Variants in UBE2E2 observed in about 807,000 individuals in gnomAD.
UBE2E2 encodes the protein ubiquitin conjugating enzyme E2 E2.
A neutral mutation model predicts 24.7 loss-of-function variants in UBE2E2; 6 were observed. That is an observed-to-expected ratio of 0.24 (90% CI 0.13 to 0.48). The LOEUF is 0.48. UBE2E2 is among the 20% of genes least tolerant of loss of function. The pLI is 0.99. For synonymous variants in UBE2E2, 104 were observed against 83.6 expected, an observed-to-expected ratio of 1.24 and a Z score of -1.33; for missense variants, 169 against 245.0, an observed-to-expected ratio of 0.69 and a Z score of 2.07.
At chr3:23,270,812 A>G (rs1458555821) in intron 3 of UBE2E2, 1 of 407,774 alleles carries the variant, frequency 2.5e-6, no homozygotes, top group Non-Finnish European at 4.9e-6. Context: ...GAATTCATTT[A>G]ACACACTCTC....
At chr3:23,447,699 A>C (rs1240523807) in intron 3 of UBE2E2, among the ~76,000 whole-genome samples, 1 of 152,236 alleles carries the variant, frequency 6.6e-6, no homozygotes, top group African/African-American at 2.4e-5. Context: ...TGTGATATAT[A>C]GCAAACATGA....
At chr3:23,232,125 A>G (rs757066416) in intron 3 of UBE2E2, among the ~76,000 whole-genome samples, 10 of 152,202 alleles carry the variant, frequency 6.6e-5, no homozygotes, top group South Asian at 2.1e-4. Flanking sequence ...TTGAAGGGTA[A>G]GGTTAAACCC....
chr3:23,518,818 A>G (rs1444003364), intron 4 of UBE2E2, among the ~76,000 whole-genome samples: 1 of 152,062 alleles, frequency 6.6e-6, no homozygotes, highest in East Asian at 1.9e-4. Context: ...TGTTTCACAT[A>G]TATTCATTTC....
intron 4 of UBE2E2, among the ~76,000 whole-genome samples, chr3:23,506,939 C>G (rs1694473630): frequency 6.6e-6 from 1 of 152,150 alleles, no homozygotes; most frequent in Non-Finnish European, 1.5e-5. Flanking sequence ...CAGCCTAAAG[C>G]TTCCTTCTAT....
At chr3:23,543,116 C>G (rs1279143778) in intron 5 of UBE2E2, among the ~76,000 whole-genome samples, 1 of 152,148 alleles carries the variant, frequency 6.6e-6, no homozygotes, top group South Asian at 2.1e-4. Flanking sequence ...GAGTTCAAGA[C>G]TAGCCTAGGC....
chr3:23,428,045 C>G lies in UBE2E2; in HGVS notation c.228-71563C>G, dbSNP rs545142542. On this transcript the variant is annotated intron_variant, in intron 3 of 5. Transcript: ENST00000396703. ...AAATTAGTGAGGACATAGTTGACCT[C>G]AACAGAATCATCAGTCAGTTGAATA... is the stretch of plus-strand genomic sequence containing the variant. Among the ~76,000 whole-genome samples, 124 of 152,238 alleles carry G rather than the reference C, an allele frequency of 8.1e-4. 5 individuals carry two copies. The South Asian group carries it at 0.024, about 29-fold the overall frequency.
At chr3:23,493,472 A>G (rs755506191) in intron 3 of UBE2E2, among the ~76,000 whole-genome samples, 1 of 152,348 alleles carries the variant, frequency 6.6e-6, no homozygotes, top group South Asian at 2.1e-4. Flanking sequence ...TCATTCTAAA[A>G]GATTTACCTC....
chr3:23,522,291 C>A (rs933236105), intron 4 of UBE2E2, among the ~76,000 whole-genome samples: 1 of 151,950 alleles, frequency 6.6e-6, no homozygotes, highest in African/African-American at 2.4e-5. Flanking sequence ...CCACCACGCC[C>A]GGCTAATTTT....
chr3:23,266,901 C>G (rs534405867), intron 3 of UBE2E2, among the ~76,000 whole-genome samples: 1 of 152,182 alleles, frequency 6.6e-6, no homozygotes, highest in African/African-American at 2.4e-5. Flanking sequence ...TTAAGAAACT[C>G]ACTCAAAACC....
At chr3:23,396,054 A>G (rs1235184218) in intron 3 of UBE2E2, among the ~76,000 whole-genome samples, 2 of 151,986 alleles carry the variant, frequency 1.3e-5, no homozygotes, top group East Asian at 1.9e-4. Context: ...TCTTCTGTGT[A>G]TTGAAGAATA....
chr3:23,555,077 G>A (rs963389179), intron 5 of UBE2E2, among the ~76,000 whole-genome samples: 3 of 151,956 alleles, frequency 2.0e-5, no homozygotes, highest in African/African-American at 4.8e-5. Context: ...CACCACGCCC[G>A]TCTAATTTTT....
chr3:23,312,618 G>T (rs569913764), intron 3 of UBE2E2, among the ~76,000 whole-genome samples: 13 of 151,700 alleles, frequency 8.6e-5, no homozygotes, highest in Non-Finnish European at 1.8e-4. Context: ...CTTTTGTTTT[G>T]ATTTCATTTA....
intron 3 of UBE2E2, among the ~76,000 whole-genome samples, chr3:23,465,485 A>T (rs985306082): frequency 4.6e-5 from 7 of 152,238 alleles, no homozygotes; most frequent in African/African-American, 9.6e-5. Context: ...GCCTTTGCTA[A>T]TTAAGAGTAC....
chr3:23,471,835 T>C (rs1575652118), intron 3 of UBE2E2, among the ~76,000 whole-genome samples: 2 of 152,250 alleles, frequency 1.3e-5, no homozygotes, highest in East Asian at 3.9e-4. Context: ...GGAGACCACA[T>C]TTTGTAAAAT....
At chr3:23,257,705 C>G (rs186958030) in intron 3 of UBE2E2, among the ~76,000 whole-genome samples, 1 of 151,546 alleles carries the variant, frequency 6.6e-6, no homozygotes, top group Non-Finnish European at 1.5e-5. Context: ...CATTTGAAAC[C>G]AAAACATACC....
chr3:23,380,278 G>T (rs184368853), intron 3 of UBE2E2, among the ~76,000 whole-genome samples: 1 of 152,286 alleles, frequency 6.6e-6, no homozygotes, highest in Admixed American at 6.5e-5. Context: ...GGAGGGCAGT[G>T]GTGCAGTCCT....
chr3:23,561,337 C>G (rs1695924579), intron 5 of UBE2E2, among the ~76,000 whole-genome samples: 1 of 152,106 alleles, frequency 6.6e-6, no homozygotes, highest in South Asian at 2.1e-4. Flanking sequence ...GAATCCTTTC[C>G]CCATTTCTTG....
At chr3:23,204,501 C>A (rs931289621) in intron 1 of UBE2E2, among the ~76,000 whole-genome samples, 9 of 152,146 alleles carry the variant, frequency 5.9e-5, no homozygotes, top group African/African-American at 2.2e-4. Context: ...AGTTTTTAAT[C>A]CCTGATTTCT....
At chr3:23,355,166 G>T (rs1461630098) in intron 3 of UBE2E2, among the ~76,000 whole-genome samples, 1 of 150,758 alleles carries the variant, frequency 6.6e-6, no homozygotes, top group Non-Finnish European at 1.5e-5. Flanking sequence ...ACTCATAGGT[G>T]GGAATTGAAC....
Sources: allele counts gnomAD v4.1 joint callset (sites outside exome capture counted in the v4.1 genomes callset), GRCh38; gene constraint gnomAD v4.1.1; transcripts MANE v1.5; gene names NCBI Gene and HGNC (gene_info 2026-07-23, HGNC 2026-07-21).